Variants in ZFYVE28 observed in about 807,000 individuals in gnomAD.
The protein encoded by ZFYVE28 is zinc finger FYVE-type containing 28.
A neutral mutation model predicts 82.1 loss-of-function variants in ZFYVE28; 40 were observed. That is an observed-to-expected ratio of 0.49 (90% CI 0.38 to 0.63). The LOEUF (loss-of-function observed/expected upper bound fraction) is 0.63, where lower values mean the gene tolerates loss of function less well. ZFYVE28 is among the 30% of genes least tolerant of loss of function. The probability of loss-of-function intolerance (pLI) is 0.00; values close to 1 mark genes in which losing one functional copy is unlikely to be tolerated. For missense variants in ZFYVE28, 1,321 were observed against 1,242.1 expected, an observed-to-expected ratio of 1.06 and a Z score of -0.96; for synonymous variants, 612 against 546.1, an observed-to-expected ratio of 1.12 and a Z score of -1.68.
At position 2,381,429 on chromosome 4, in the gene ZFYVE28, CAG is replaced by C. The variant is rs1205018715; in HGVS notation, c.40-27358_40-27357del. On this transcript the variant is annotated intron_variant, in intron 1 of 12. Coordinates refer to ENST00000290974, the MANE Select transcript of ZFYVE28 (RefSeq NM_020972.3). The stretch of plus-strand genomic sequence containing the variant: ...TTTGTTGTTGTTGTTGTTTTTGAGA[CAG>C]AGTCTCGCTGTGACACCCAGGCTGG... 2.0e-5 allele frequency among the ~76,000 whole-genome samples: 3 copies of C among 152,166 alleles called. No individual in the cohort carries two copies. The East Asian group carries it at 5.8e-4, about 29-fold the overall frequency.
At chr4:2,291,007 G>T (rs1713575664) in intron 8 of ZFYVE28, among the ~76,000 whole-genome samples, 1 of 152,232 alleles carries the variant, frequency 6.6e-6, no homozygotes, top group Admixed American at 6.5e-5. Flanking sequence ...AAAAAATGAG[G>T]AAATGCAGAT....
At chr4:2,290,024 C>A (rs993152182) in intron 8 of ZFYVE28, among the ~76,000 whole-genome samples, 17 of 152,264 alleles carry the variant, frequency 1.1e-4, no homozygotes, top group African/African-American at 3.9e-4. Flanking sequence ...AGCCGCTGTC[C>A]TTGCGGAGGC....
At chr4:2,402,203 C>T (rs748807643) in intron 1 of ZFYVE28, among the ~76,000 whole-genome samples, 1 of 152,238 alleles carries the variant, frequency 6.6e-6, no homozygotes, top group African/African-American at 2.4e-5. Flanking sequence ...GCACAGACAG[C>T]GCTGCAGCTG....
At chr4:2,273,072 T>A in intron 10 of ZFYVE28, 101 bp downstream of exon 10, 1 of 966,376 alleles carries the variant, frequency 1.0e-6, no homozygotes, top group Non-Finnish European at 1.6e-6. Flanking sequence ...GGACCCTATC[T>A]CCCCAGGGCC....
intron 8 of ZFYVE28, among the ~76,000 whole-genome samples, chr4:2,293,633 G>C (rs1714081689): frequency 6.6e-6 from 1 of 151,450 alleles, no homozygotes; most frequent in African/African-American, 2.4e-5. Flanking sequence ...GGCACCTGTA[G>C]TCCCAGCTAC....
rs1298762254 is a variant in ZFYVE28, at chr4:2,320,004, A to C, written c.803+166T>G. On this transcript the variant is annotated intron_variant, in intron 7 of 12. Transcript: ENST00000290974. The surrounding 1 kb of genome is among the most constrained non-coding windows in gnomAD (Gnocchi z 5.1). Reference sequence around the variant, plus strand: ...CAGGGGCAAAAGCCAGGACTCTGTGACCCCCATGGGTCGTTTGTGACCCCT... The same window carrying C: ...CAGGGGCAAAAGCCAGGACTCTGTGCCCCCCATGGGTCGTTTGTGACCCCT... 1.3e-5 allele frequency among the ~76,000 whole-genome samples: 2 copies of C among 151,898 alleles called. No individual in the cohort carries two copies. The highest frequency in any genetic ancestry group is 4.1e-4 in the South Asian group (2 of 4,826).
rs760158267 is a variant in ZFYVE28, at chr4:2,270,713, C to T, written c.*12G>A. 1 of 1,612,750 alleles carries T rather than the reference C, an allele frequency of 6.2e-7. No individual in the cohort carries two copies. The highest frequency in any genetic ancestry group is 1.3e-5 in the African/African-American group (1 of 74,922). ...CTGGCCCGGGTGGGTTGGGGCTGCCCCTGGCACCACGTCACAGGCCGGCCT... is the reference window on the plus strand; with the variant it reads ...CTGGCCCGGGTGGGTTGGGGCTGCCTCTGGCACCACGTCACAGGCCGGCCT... On this transcript the variant is annotated 3_prime_UTR_variant, in exon 13 of 13. Coordinates refer to ENST00000290974, the MANE Select transcript of ZFYVE28 (RefSeq NM_020972.3).
intron 8 of ZFYVE28, among the ~76,000 whole-genome samples, chr4:2,292,738 G>C (rs374641060): frequency 2.6e-5 from 4 of 152,232 alleles, no homozygotes; most frequent in South Asian, 4.1e-4. Context: ...ATTTCAAGCA[G>C]AAATAATGCC....
chr4:2,337,891 C>T (rs1373029937), intron 4 of ZFYVE28, among the ~76,000 whole-genome samples: 1 of 152,082 alleles, frequency 6.6e-6, no homozygotes, highest in Admixed American at 6.5e-5. Flanking sequence ...CACACACACC[C>T]TACACCACCA....
At chr4:2,305,686 C>T (rs544826840) in intron 7 of ZFYVE28, 150 bp from the exon 8 acceptor site, 24 of 977,696 alleles carry the variant, frequency 2.5e-5, no homozygotes, top group African/African-American at 1.8e-4. Context: ...GGCACCAGCA[C>T]GTCTCCTCCA....
At chr4:2,338,788 C>A (rs1172360609) in intron 4 of ZFYVE28, among the ~76,000 whole-genome samples, 1 of 152,114 alleles carries the variant, frequency 6.6e-6, no homozygotes, top group Non-Finnish European at 1.5e-5. Flanking sequence ...ATTAACTGAA[C>A]CTCTGCGGAC....
chr4:2,292,553 G>A (rs1713894177), intron 8 of ZFYVE28, among the ~76,000 whole-genome samples: 1 of 152,200 alleles, frequency 6.6e-6, no homozygotes, highest in South Asian at 2.1e-4. Flanking sequence ...GGGACGTCAG[G>A]AGGATGGAGC....
At chr4:2,310,409 G>C (rs1322703392) in intron 7 of ZFYVE28, among the ~76,000 whole-genome samples, 2 of 152,092 alleles carry the variant, frequency 1.3e-5, no homozygotes, top group Non-Finnish European at 2.9e-5. Flanking sequence ...CTTTTTAAGG[G>C]TATTTGCATC....
chr4:2,318,591 CACTGTTT>C (rs1718583512), intron 7 of ZFYVE28, among the ~76,000 whole-genome samples: 1 of 152,198 alleles, frequency 6.6e-6, no homozygotes, highest in Non-Finnish European at 1.5e-5. Flanking sequence ...TGTGGATTCT[CACTGTTT>C]TCCCTGGGTG....
intron 8 of ZFYVE28, among the ~76,000 whole-genome samples, chr4:2,279,824 A>G (rs986259516): frequency 1.3e-5 from 2 of 152,104 alleles, no homozygotes; most frequent in Non-Finnish European, 1.5e-5. Flanking sequence ...TTCCATTCAC[A>G]TGAAATGTCT....
At chr4:2,327,314 T>C (rs1720039325) in intron 6 of ZFYVE28, among the ~76,000 whole-genome samples, 1 of 121,312 alleles carries the variant, frequency 8.2e-6, no homozygotes, top group Non-Finnish European at 1.7e-5. Flanking sequence ...ATATATCGAA[T>C]AAAGTTGCCA....
chr4:2,349,964 G>T (rs185836666), intron 2 of ZFYVE28, among the ~76,000 whole-genome samples: 54 of 151,724 alleles, frequency 3.6e-4, no homozygotes, highest in African/African-American at 1.2e-3. Flanking sequence ...ATTAACAAAA[G>T]ATGTCTGCTC....
intron 7 of ZFYVE28, among the ~76,000 whole-genome samples, chr4:2,311,237 C>T (rs894502428): frequency 3.9e-5 from 6 of 152,096 alleles, no homozygotes; most frequent in Admixed American, 3.9e-4. Flanking sequence ...AAATAACTAA[C>T]TTTTGGGGCC....
chr4:2,305,405 G>A lies in ZFYVE28; in HGVS notation c.935C>T (p.Ala312Val), dbSNP rs1716415422. 4 of 1,612,672 alleles carry A rather than the reference G, an allele frequency of 2.5e-6. No individual in the cohort carries two copies. The highest frequency in any genetic ancestry group is 1.3e-5 in the African/African-American group (1 of 74,958). The stretch of plus-strand genomic sequence containing the variant: ...GAGTGGCCCCTCAGGGGGGAGAGGG[G>A]CAGAGAGGGCAGGCGCCAGGGCAGC... ...GPAALAPALS[A>V]PLPPEGPLSA... Residue 312 changes from alanine (A) to valine (V), a missense_variant, in exon 8 of 13, where the codon GCC becomes GTC. Around this residue, in one of 2 missense-constraint regions of ZFYVE28, gnomAD observed 978 missense variants for 833.7 expected, o/e 1.17. Transcript: ENST00000290974.
Sources: allele counts gnomAD v4.1 joint callset (sites outside exome capture counted in the v4.1 genomes callset), GRCh38; gene constraint gnomAD v4.1.1; regional missense constraint gnomAD v4.1.1; non-coding constraint Gnocchi (gnomAD v3.1); transcripts MANE v1.5; gene names NCBI Gene and HGNC (gene_info 2026-07-23, HGNC 2026-07-21).